Variants in ARID4A observed in about 807,000 individuals in gnomAD.
ARID4A encodes AT-rich interactive domain-containing protein 4A.
ARID4A carries 39 observed loss-of-function variants against 148.6 expected under a neutral mutation model. The observed-to-expected ratio is 0.26, with a 90% CI of 0.20 to 0.34. ARID4A has a LOEUF of 0.34. Ranked by LOEUF, ARID4A falls within the 10% of genes least tolerant of loss-of-function variation. ARID4A has a pLI of 1.00. For missense variants in ARID4A, 1,265 were observed against 1,449.1 expected (o/e 0.87, Z 2.06); for synonymous variants, 475 against 481.2 (o/e 0.99, Z 0.17).
intron 8 of ARID4A, among the ~76,000 whole-genome samples, chr14:58,323,999 G>A (rs974878220): frequency 4.7e-5 from 7 of 148,830 alleles, no homozygotes; most frequent in Non-Finnish European, 7.4e-5. Context: ...CTGCCTTCCG[G>A]GTTCACGCCA....
At chr14:58,361,166 T>A (rs1299890872) in intron 19 of ARID4A, 124 bp downstream of exon 19, 1 of 1,386,926 alleles carries the variant, frequency 7.2e-7, no homozygotes. Flanking sequence ...AAAACTTCCA[T>A]TGTGTGAAAT....
chr14:58,310,232 G>GT (rs909949229), intron 5 of ARID4A, among the ~76,000 whole-genome samples: 16 of 139,076 alleles, frequency 1.2e-4, no homozygotes, highest in African/African-American at 2.7e-4. Context: ...GTTTTTTTTT[G>GT]TTTTTTTGTT....
chr14:58,346,581 T>C (rs978928389), intron 13 of ARID4A, 76 bp downstream of exon 13: 6 of 879,818 alleles, frequency 6.8e-6, no homozygotes, highest in Admixed American at 2.3e-5. Flanking sequence ...CATTATTATA[T>C]GCACATTGGA....
In ARID4A at chr14:58,318,804, G is replaced by T. The variant is rs757954935; in HGVS notation, c.448G>T (p.Val150Phe). The change falls in exon 7 of 24, where the codon GTT becomes TTT. Residue 150 changes from valine (V) to phenylalanine (F), a missense_variant and splice_region_variant. Physicochemically the swap from Val to Phe is conservative, Grantham distance 50 (BLOSUM62 -1). Transcript: ENST00000355431. The part of the protein sequence containing the change: ...TNRGRRSSLP[V>F]TEDEKEEESS... Reference sequence around the variant, plus strand: ...CAGAGGAAGGAGATCTTCTCTTCCTGTGTGAGTTTTTTCATATATGGTATC... The same window carrying T: ...CAGAGGAAGGAGATCTTCTCTTCCTTTGTGAGTTTTTTCATATATGGTATC... 6.2e-6 allele frequency: 10 copies of T among 1,609,104 alleles called. No individual in the cohort carries two copies. The highest frequency in any genetic ancestry group is 7.7e-6 in the Non-Finnish European group (9 of 1,175,744).
In ARID4A at chr14:58,322,365, C is replaced by A. The variant is rs556999971; in HGVS notation, c.450-1120C>A. On this transcript the variant is annotated intron_variant, in intron 7 of 23. Coordinates refer to ENST00000355431, the MANE Select transcript of ARID4A (RefSeq NM_002892.4). ...CCAGTATTTTATTTCTAAGCTAACT[C>A]CATAGACTTCTACTGAAAACTCCTT... Among the ~76,000 whole-genome samples the A allele has an allele frequency of 1.5e-4, 23 of 152,168 alleles. No homozygotes were observed. The East Asian group carries it at 4.4e-3, about 29-fold the overall frequency.
intron 16 of ARID4A, among the ~76,000 whole-genome samples, chr14:58,352,616 T>C (rs2034688616): frequency 6.6e-6 from 1 of 152,136 alleles, no homozygotes; most frequent in South Asian, 2.1e-4. Flanking sequence ...GAATTTACCT[T>C]ATCACTCTAT....
Position 58,328,134 on chromosome 14 carries a change from A to G in ARID4A, c.583-103A>G, listed in dbSNP as rs1257158362. On this transcript the variant is annotated intron_variant, in intron 8 of 23. Transcript: ENST00000355431. ...AATGAAGCTGTTTTTTGTAAAATAT[A>G]ATCTATTTGAGAAGTTAGGGGATCC... The G allele has an allele frequency of 6.5e-6, 5 of 774,264 alleles. No individual in the cohort carries two copies. The African/African-American group carries it at 8.9e-5, about 14-fold the overall frequency. The allele number at this position is 774,264 out of a possible 1,614,324, so 48.0% of individuals were successfully genotyped here. A position where few individuals can be genotyped will look rare whatever the true frequency, so the allele number is the denominator to read the frequency against.
At chr14:58,319,417 A>G (rs529219453) in intron 7 of ARID4A, among the ~76,000 whole-genome samples, 4 of 149,724 alleles carry the variant, frequency 2.7e-5, no homozygotes, top group Admixed American at 6.7e-5. Flanking sequence ...TGATTTTTCT[A>G]TTTTAAGTGA....
intron 11 of ARID4A, among the ~76,000 whole-genome samples, chr14:58,340,907 A>C (rs2034088371): frequency 3.3e-5 from 5 of 152,230 alleles, no homozygotes. Context: ...AAAACTCTAC[A>C]CAATTCATTT....
At chr14:58,354,519 A>C (rs2034783204) in intron 17 of ARID4A, among the ~76,000 whole-genome samples, 1 of 151,864 alleles carries the variant, frequency 6.6e-6, no homozygotes, top group African/African-American at 2.4e-5. Context: ...CCCCATCTCT[A>C]CAAAAAATTA....
chr14:58,359,471 A>G (rs1008334015), intron 18 of ARID4A, among the ~76,000 whole-genome samples: 1 of 152,158 alleles, frequency 6.6e-6, no homozygotes, highest in Admixed American at 6.5e-5. Context: ...TCCATCGTTT[A>G]CATTAGGGTT....
chr14:58,361,589 T>C, intron 19 of ARID4A, among the ~76,000 whole-genome samples: 2 of 152,074 alleles, frequency 1.3e-5, no homozygotes, highest in East Asian at 3.8e-4. Context: ...AGTGGAAAAA[T>C]TGTGTGGGGA....
chr14:58,299,968 C>G, intron 2 of ARID4A, 108 bp downstream of exon 2: 1 of 1,492,174 alleles, frequency 6.7e-7, no homozygotes, highest in African/African-American at 1.4e-5. Context: ...GATGTTCCTA[C>G]TGATCAGCAG....
chr14:58,304,994 A>T lies in ARID4A; in HGVS notation c.168A>T (p.Val56=), dbSNP rs532064184. ...CACAATTGGTACAAGATGACCAAGT[A>T]AAGGGTCCTTTAAGAGTATGTATGT... ...NTTQLVQDDQ[V]KGPLRVGAIV... The change falls in exon 4 of 24, where the codon GTA becomes GTT. Residue 56 remains valine, a synonymous_variant. Coordinates refer to ENST00000355431, the MANE Select transcript of ARID4A (RefSeq NM_002892.4). The T allele has an allele frequency of 2.2e-4, 352 of 1,607,116 alleles. 4 individuals carry two copies. In the South Asian group the frequency reaches 3.7e-3, roughly 17 times the overall value.
chr14:58,318,816 T>C lies in ARID4A; in HGVS notation c.449+11T>C. 1 of 1,587,468 alleles carries C rather than the reference T, an allele frequency of 6.3e-7. No individual in the cohort carries two copies. Among genetic ancestry groups the C allele is most frequent in the East Asian group, 2.2e-5 (1 of 44,726 alleles). ...ATCTTCTCTTCCTGTGTGAGTTTTTTCATATATGGTATCATTTTAATTACA... is the reference window on the plus strand; with the variant it reads ...ATCTTCTCTTCCTGTGTGAGTTTTTCCATATATGGTATCATTTTAATTACA... On this transcript the variant is annotated intron_variant, in intron 7 of 23. Transcript: ENST00000355431.
At chr14:58,299,913 T>C in intron 2 of ARID4A, 53 bp downstream of exon 2, 1 of 1,609,282 alleles carries the variant, frequency 6.2e-7, no homozygotes. Context: ...CTGCCAATCC[T>C]AAGGCTAGTG....
At chr14:58,329,083 G>A (rs751462264) in intron 9 of ARID4A, among the ~76,000 whole-genome samples, 1 of 151,836 alleles carries the variant, frequency 6.6e-6, no homozygotes, top group Non-Finnish European at 1.5e-5. Flanking sequence ...AGTTTTTTGA[G>A]TTATAGTTCT....
intron 14 of ARID4A, 88 bp from the exon 15 acceptor site, chr14:58,347,559 T>C (rs890280652): frequency 5.2e-5 from 57 of 1,089,508 alleles, no homozygotes; most frequent in Non-Finnish European, 6.5e-5. Flanking sequence ...ATTACTGGGC[T>C]TTACTTTTTA....
Position 58,365,145 on chromosome 14 carries a change from T to A in ARID4A, c.3056T>A (p.Val1019Glu). The change falls in exon 20 of 24, where the codon GTA becomes GAA. Residue 1019 changes from valine (V) to glutamate (E), a missense_variant. Transcript: ENST00000355431. The stretch of plus-strand genomic sequence containing the variant: ...CTTAGTCAAGATGAGTCTCGAAGCG[T>A]AAAAAGTGAGAGTGATATAACGATT... ...LTLSQDESRS[V>E]KSESDITIEV... The A allele has an allele frequency of 6.2e-7, 1 of 1,614,070 alleles. No individual in the cohort carries two copies. The highest frequency in any genetic ancestry group is 1.3e-5 in the African/African-American group (1 of 75,000).
Sources: allele counts gnomAD v4.1 joint callset (sites outside exome capture counted in the v4.1 genomes callset), GRCh38; gene constraint gnomAD v4.1.1; transcripts MANE v1.5; gene names NCBI Gene and HGNC (gene_info 2026-07-23, HGNC 2026-07-21).